Variants in USP26 observed in about 807,000 individuals in gnomAD.
USP26 encodes ubiquitin specific peptidase 26, also known as ubiquitin carboxyl-terminal hydrolase 26.
For missense variants in USP26, 649 were observed against 642.3 expected (o/e 1.01, Z -0.11); for synonymous variants, 236 against 240.6 (o/e 0.98, Z 0.18).
rs138326116 is a variant in USP26, at chrX:133,039,367, T to C, written c.-76-11071A>G. 3.2e-3 allele frequency among the ~76,000 whole-genome samples: 364 copies of C among 112,118 alleles called. 3 individuals are homozygous for C. Among genetic ancestry groups the C allele is most frequent in the African/African-American group, 0.011 (340 of 30,896 alleles). On this transcript the variant is annotated intron_variant, in intron 5 of 5. Coordinates refer to ENST00000511190, the MANE Select transcript of USP26 (RefSeq NM_031907.3). ...CCAGAGATTCTGTTACATTGTCTCTTTGTTCTCCTTGGTTTCAAAGGACTT... is the reference window on the plus strand; with the variant it reads ...CCAGAGATTCTGTTACATTGTCTCTCTGTTCTCCTTGGTTTCAAAGGACTT...
chrX:133,039,042 T>G (rs1252389754), intron 5 of USP26, among the ~76,000 whole-genome samples: 1 of 111,876 alleles, frequency 8.9e-6, no homozygotes, highest in African/African-American at 3.2e-5. Flanking sequence ...TCTACTTGAT[T>G]ATTCTCTCTT....
intron 5 of USP26, among the ~76,000 whole-genome samples, chrX:133,069,803 A>G (rs1300876578): frequency 8.9e-6 from 1 of 111,921 alleles, no homozygotes; most frequent in African/African-American, 3.2e-5. Context: ...TTTCTCCAAC[A>G]AAATAAGAGG....
chrX:133,083,750 G>C lies in USP26; in HGVS notation c.-120C>G, dbSNP rs1254006738. On this transcript the variant is annotated 5_prime_UTR_variant, in exon 5 of 6. Transcript: ENST00000511190. ...AGGCAAGCACTTAGCAAGCAGCCCA[G>C]GTTAAAGCAGAAACAGGGAATCTGT... 8.9e-6 allele frequency: 1 copy of C among 111,754 alleles called. No homozygotes were observed. Among genetic ancestry groups the C allele is most frequent in the Non-Finnish European group, 1.9e-5 (1 of 53,230 alleles). The allele number at this position is 111,754 out of a possible 1,213,427, so 9.2% of individuals were successfully genotyped here. A position where few individuals can be genotyped will look rare whatever the true frequency, so the allele number is the denominator to read the frequency against.
At chrX:133,055,496 TTAAACATG>T in intron 5 of USP26, among the ~76,000 whole-genome samples, 1 of 111,781 alleles carries the variant, frequency 8.9e-6, no homozygotes, top group Middle Eastern at 4.6e-3. Context: ...AAACTGCCCT[TTAAACATG>T]TAAACACCAA....
chrX:133,065,553 A>G (rs1213478934), intron 5 of USP26, among the ~76,000 whole-genome samples: 1 of 112,147 alleles, frequency 8.9e-6, no homozygotes, highest in East Asian at 2.8e-4. Context: ...TCACCCTGGG[A>G]TGCAAGGCTA....
At chrX:133,033,346 A>G (rs745558244) in intron 5 of USP26, among the ~76,000 whole-genome samples, 2 of 112,175 alleles carry the variant, frequency 1.8e-5, no homozygotes, top group African/African-American at 6.5e-5. Flanking sequence ...GAGAAATGCC[A>G]TTATTTTGTC....
rs765516272 is a variant in USP26, at chrX:133,094,110, G to A, written c.-392-2667C>T. The stretch of plus-strand genomic sequence containing the variant: ...AAAAATCTTGTTTCTCAGTGATTAT[G>A]CTCAAGTTTTTGAGAGAGACTAAAG... On this transcript the variant is annotated intron_variant, in intron 1 of 5. Coordinates refer to ENST00000511190, the MANE Select transcript of USP26 (RefSeq NM_031907.3). Among the ~76,000 whole-genome samples, 12 of 111,025 alleles carry A rather than the reference G, an allele frequency of 1.1e-4. No individual in the cohort carries two copies. In the South Asian group the frequency reaches 4.2e-3, roughly 39 times the overall value.
At chrX:133,059,278 G>A (rs752397104) in intron 5 of USP26, among the ~76,000 whole-genome samples, 163 of 111,304 alleles carry the variant, frequency 1.5e-3, no homozygotes, top group Admixed American at 4.2e-3. Flanking sequence ...TCATTTTATT[G>A]TAACAGGAGG....
At chrX:133,044,275 C>T (rs934503752) in intron 5 of USP26, among the ~76,000 whole-genome samples, 4 of 113,505 alleles carry the variant, frequency 3.5e-5, no homozygotes, top group African/African-American at 9.6e-5. Context: ...CCACTCTGGC[C>T]GCGCTTGAGG....
chrX:133,061,561 G>A (rs960917539), intron 5 of USP26, among the ~76,000 whole-genome samples: 2 of 112,497 alleles, frequency 1.8e-5, no homozygotes, highest in African/African-American at 6.5e-5. Context: ...CAAGACCAAC[G>A]CAGAAGGCGG....
intron 5 of USP26, among the ~76,000 whole-genome samples, chrX:133,044,475 C>A (rs777057339): frequency 8.8e-6 from 1 of 113,504 alleles, no homozygotes; most frequent in Non-Finnish European, 1.9e-5. Context: ...CTCAGAGTGG[C>A]TGGCCGGCCC....
intron 5 of USP26, among the ~76,000 whole-genome samples, chrX:133,064,134 G>A (rs920899593): frequency 8.9e-6 from 1 of 111,908 alleles, no homozygotes; most frequent in Admixed American, 9.5e-5. Flanking sequence ...GACAAAGAAG[G>A]GAATTACATA....
At chrX:133,066,549 G>A (rs1408139074) in intron 5 of USP26, among the ~76,000 whole-genome samples, 6 of 111,403 alleles carry the variant, frequency 5.4e-5, no homozygotes, top group Non-Finnish European at 1.1e-4. Flanking sequence ...GAACAGAACA[G>A]AGGCCTCAGA....
At chrX:133,070,407 T>G (rs763602001) in intron 5 of USP26, among the ~76,000 whole-genome samples, 1 of 111,685 alleles carries the variant, frequency 9.0e-6, no homozygotes, top group Admixed American at 9.5e-5. Flanking sequence ...CACCTTGGAC[T>G]CCTCCTGTTT....
rs182609472 is a variant in USP26 at position 133,044,278 on chromosome X, G to A, written c.-76-15982C>T. On this transcript the variant is annotated intron_variant, in intron 5 of 5. Coordinates refer to ENST00000511190, the MANE Select transcript of USP26 (RefSeq NM_031907.3). ...CAGCCTCAGCGCCCACTCTGGCCGCGCTTGAGGAGCCCTTCAGCCCACCGC... is the reference window on the plus strand; with the variant it reads ...CAGCCTCAGCGCCCACTCTGGCCGCACTTGAGGAGCCCTTCAGCCCACCGC... 9.8e-3 allele frequency among the ~76,000 whole-genome samples: 1,115 copies of A among 113,451 alleles called. 13 individuals are homozygous for A. Among genetic ancestry groups the A allele is most frequent in the African/African-American group, 0.032 (1,010 of 31,340 alleles).
At chrX:133,028,608 T>C (rs754762376) in intron 5 of USP26, among the ~76,000 whole-genome samples, 34 of 112,460 alleles carry the variant, frequency 3.0e-4, no homozygotes, top group African/African-American at 1.0e-3. Flanking sequence ...TCCATTCTGA[T>C]TAATTTCCCA....
chrX:133,096,367 A>G (rs749979866), intron 1 of USP26, among the ~76,000 whole-genome samples: 23 of 111,495 alleles, frequency 2.1e-4, no homozygotes, highest in Non-Finnish European at 3.9e-4. Context: ...TGAAGTTGTC[A>G]ATGAACAATT....
chrX:133,034,743 C>T (rs1164554936), intron 5 of USP26, among the ~76,000 whole-genome samples: 2 of 111,181 alleles, frequency 1.8e-5, no homozygotes, highest in African/African-American at 6.5e-5. Flanking sequence ...TGGCTCATGC[C>T]TGTAATCCCA....
Position 133,033,120 on chromosome X carries a change from C to G in USP26, c.-76-4824G>C, listed in dbSNP as rs2067383816. 2.7e-5 allele frequency among the ~76,000 whole-genome samples: 3 copies of G among 110,765 alleles called. No individual in the cohort carries two copies. The South Asian group carries it at 1.2e-3, about 43-fold the overall frequency. On this transcript the variant is annotated intron_variant, in intron 5 of 5. Coordinates refer to ENST00000511190, the MANE Select transcript of USP26 (RefSeq NM_031907.3). ...AAGGGGAAAGGAAATCCTCCCCTCCCTTTTTTTTACCCTCCCAAGTTTGGG... is the reference window on the plus strand; with the variant it reads ...AAGGGGAAAGGAAATCCTCCCCTCCGTTTTTTTTACCCTCCCAAGTTTGGG...
Sources: gnomAD v4.1 joint callset for allele counts (sites outside exome capture counted in the v4.1 genomes callset) on GRCh38, gnomAD v4.1.1 for gene constraint, MANE v1.5 for transcripts, NCBI Gene and HGNC (gene_info 2026-07-23, HGNC 2026-07-21) for gene names.